Variants in MOV10L1 observed in about 807,000 individuals in gnomAD.
The protein encoded by MOV10L1 is Mov10 like RNA helicase 1.
In MOV10L1, 110 loss-of-function variants were observed where a neutral mutation model predicts 143.8. The ratio of observed to expected loss-of-function variants is 0.76; its 90% confidence interval spans 0.66 to 0.90. The LOEUF is 0.90. Ranked by LOEUF, MOV10L1 falls within the 40% of genes least tolerant of loss-of-function variation. The pLI, the probability that MOV10L1 is intolerant of heterozygous loss-of-function variation, is 0.00. For missense variants in MOV10L1, 1,406 were observed against 1,526.8 expected (o/e 0.92, Z 1.32); for synonymous variants, 593 against 581.1 (o/e 1.02, Z -0.29).
At chr22:50,147,667 G>T (rs1272281357) in intron 19 of MOV10L1, among the ~76,000 whole-genome samples, 3 of 152,102 alleles carry the variant, frequency 2.0e-5, no homozygotes, top group African/African-American at 7.2e-5. Context: ...CTGGAGTGGG[G>T]AGGGGCACTT....
chr22:50,105,733 T>C (rs2061849824), intron 3 of MOV10L1, among the ~76,000 whole-genome samples: 2 of 152,224 alleles, frequency 1.3e-5, no homozygotes, highest in African/African-American at 4.8e-5. Context: ...ACAGAACGGT[T>C]CCTCAGGTTC....
intron 22 of MOV10L1, among the ~76,000 whole-genome samples, chr22:50,153,435 A>G (rs138273): frequency 0.91 from 139,377 of 152,326 alleles, 63,785 homozygotes; most frequent in South Asian, 0.94. Context: ...GAGGCATCAC[A>G]GGCACCACTC....
At position 50,090,560 on chromosome 22, in the gene MOV10L1, T is replaced by C. The variant is rs371047044; in HGVS notation, c.97+375T>C. 58 of 1,587,358 alleles carry C rather than the reference T, an allele frequency of 3.7e-5. No individual in the cohort carries two copies. In the African/African-American group the frequency reaches 4.2e-4, roughly 11 times the overall value. ...AACGCGGCCCCGCAGACTTGGCCTG[T>C]CCTTTCAGAACGCGCTGCGCCAAGG... On this transcript the variant is annotated intron_variant, in intron 1 of 26. Transcript: ENST00000262794.
intron 20 of MOV10L1, 152 bp from the exon 21 acceptor site, chr22:50,150,583 C>T (rs570899790): frequency 1.6e-5 from 14 of 865,554 alleles, no homozygotes; most frequent in African/African-American, 6.7e-5. Context: ...CAAGCCCTGT[C>T]GGCATTCCCT....
At chr22:50,148,041 G>A (rs561781213) in intron 19 of MOV10L1, among the ~76,000 whole-genome samples, 2 of 152,388 alleles carry the variant, frequency 1.3e-5, no homozygotes, top group East Asian at 3.9e-4. Flanking sequence ...TGGGACACCT[G>A]AGGCTCAGAG....
chr22:50,146,929 C>A, intron 19 of MOV10L1: 1 of 771,508 alleles, frequency 1.3e-6, no homozygotes, highest in Non-Finnish European at 2.2e-6. Context: ...ACACTTAGAG[C>A]ATGTCAGGTT....
At chr22:50,106,900 A>T (rs2061884492) in intron 3 of MOV10L1, among the ~76,000 whole-genome samples, 1 of 151,054 alleles carries the variant, frequency 6.6e-6, no homozygotes, top group African/African-American at 2.4e-5. Context: ...ACGGGGTTTC[A>T]CTGTGTTAAC....
intron 11 of MOV10L1, among the ~76,000 whole-genome samples, chr22:50,125,954 A>AT (rs35391790): frequency 0.26 from 38,586 of 145,858 alleles, 5,326 homozygotes; most frequent in Admixed American, 0.39. Context: ...CACCCGGCTG[A>AT]TTTTTTTTTT....
Position 50,108,720 on chromosome 22 carries a change from G to T in MOV10L1, c.619G>T (p.Asp207Tyr). ...VLEESIFFTL[D>Y]SLKLPDGYTP... is the part of the protein sequence containing the mutation. ...AGAGGAAAGCATCTTCTTTACCTTG[G>T]ACTCCTTGAAACTGCCAGATGGGTA... Residue 207 changes from aspartate to tyrosine, a missense_variant, in exon 5 of 27, where the codon GAC becomes TAC. Physicochemically the swap from Asp to Tyr is radical, Grantham distance 160. Transcript: ENST00000262794. The T allele has an allele frequency of 6.2e-7, 1 of 1,614,192 alleles. No individual in the cohort carries two copies. The highest frequency in any genetic ancestry group is 8.5e-7 in the Non-Finnish European group (1 of 1,180,034).
chr22:50,158,146 C>T lies in MOV10L1; in HGVS notation c.3156C>T (p.His1052=), dbSNP rs780572492. The T allele has an allele frequency of 6.2e-6, 10 of 1,614,080 alleles. No homozygotes were observed. Among genetic ancestry groups the T allele is most frequent in the Admixed American group, 1.7e-5 (1 of 60,016 alleles). The part of the protein sequence containing the change: ...QVLRYCCLLA[H]SISSQVSASD... ...TGCGCTACTGCTGCCTCCTGGCCCA[C>T]AGCATCTCCAGTCAGGTGTCTGCCA... is the stretch of plus-strand genomic sequence containing the variant. The change falls in exon 23 of 27, where the codon CAC becomes CAT. Residue 1052 remains histidine (H), a synonymous_variant. Transcript: ENST00000262794. The surrounding 1 kb of genome is among the most constrained non-coding windows in gnomAD (Gnocchi z 5.0).
intron 10 of MOV10L1, 116 bp from the exon 11 acceptor site, chr22:50,125,276 C>T (rs756634861): frequency 5.5e-5 from 58 of 1,052,196 alleles, no homozygotes; most frequent in Admixed American, 8.9e-5. Context: ...AGGATCGCCC[C>T]ACCTGGGGGG....
chr22:50,159,656 T>C lies in MOV10L1; in HGVS notation c.3217-22T>C. 1 of 1,477,864 alleles carries C rather than the reference T, an allele frequency of 6.8e-7. No homozygotes were observed. The highest frequency in any genetic ancestry group is 1.8e-5 in the Admixed American group (1 of 54,838). The allele number at this position is 1,477,864 out of a possible 1,614,324, so 91.5% of individuals were successfully genotyped here. The stretch of plus-strand genomic sequence containing the variant: ...GATTTGTACAGTGTTATCTTTAGTC[T>C]TTCTTTTAATCTGTTCTCAAGGTGG... On this transcript the variant is annotated intron_variant, in intron 23 of 26. Coordinates refer to ENST00000262794, the MANE Select transcript of MOV10L1 (RefSeq NM_018995.3). This position sits in a 1 kb window ranked among gnomAD's most constrained non-coding sequence, Gnocchi z 4.1.
At chr22:50,147,113 C>A (rs1338311721) in intron 19 of MOV10L1, 1 of 1,581,308 alleles carries the variant, frequency 6.3e-7, no homozygotes, top group Non-Finnish European at 8.6e-7. Context: ...GCAGAGCGGG[C>A]ACTGCATGGA....
intron 12 of MOV10L1, among the ~76,000 whole-genome samples, chr22:50,127,850 G>A (rs1021906903): frequency 6.6e-6 from 1 of 151,062 alleles, no homozygotes; most frequent in African/African-American, 2.4e-5. Context: ...TTGGCTCACT[G>A]CAACCTCCGC....
chr22:50,124,989 G>C (rs2147219283), intron 10 of MOV10L1, among the ~76,000 whole-genome samples: 1 of 152,352 alleles, frequency 6.6e-6, no homozygotes, highest in South Asian at 2.1e-4. Flanking sequence ...TTTTCAGGTA[G>C]AAGGGTAAAT....
At chr22:50,091,910 G>A (rs2062454573) in intron 1 of MOV10L1, 91 bp from the exon 2 acceptor site, 1 of 1,290,928 alleles carries the variant, frequency 7.7e-7, no homozygotes, top group South Asian at 1.5e-5. Context: ...AAAAAAAGGA[G>A]GCTTTTGCAC....
chr22:50,142,997 G>A (rs749063445), intron 16 of MOV10L1, 46 bp from the exon 17 acceptor site: 17 of 1,574,798 alleles, frequency 1.1e-5, no homozygotes, highest in Non-Finnish European at 1.3e-5. Flanking sequence ...CACAGCTGTT[G>A]AGAGCTGTTT....
intron 21 of MOV10L1, among the ~76,000 whole-genome samples, chr22:50,151,174 C>T: frequency 6.6e-6 from 1 of 152,224 alleles, no homozygotes; most frequent in Admixed American, 6.5e-5. Flanking sequence ...CTTAAAAAGC[C>T]TGCCCTAGAG....
chr22:50,145,112 T>C (rs996110893), intron 18 of MOV10L1, among the ~76,000 whole-genome samples: 3 of 152,044 alleles, frequency 2.0e-5, no homozygotes, highest in East Asian at 3.9e-4. Flanking sequence ...CCAGCTAATT[T>C]TGTATTTTTA....
Sources: allele counts gnomAD v4.1 joint callset (sites outside exome capture counted in the v4.1 genomes callset), GRCh38; gene constraint gnomAD v4.1.1; non-coding constraint Gnocchi (gnomAD v3.1); transcripts MANE v1.5; gene names NCBI Gene and HGNC (gene_info 2026-07-23, HGNC 2026-07-21).